ATF7IP2: variants seen among roughly 807,000 people sequenced by gnomAD.
ATF7IP2 encodes activating transcription factor 7 interacting protein 2, also known as activating transcription factor 7-interacting protein 2.
ATF7IP2 carries 42 observed loss-of-function variants against 64.2 expected under a neutral mutation model. The observed-to-expected ratio is 0.65, with a 90% CI of 0.51 to 0.85. The LOEUF is 0.85. ATF7IP2 is among the 40% of genes least tolerant of loss of function. The probability of loss-of-function intolerance (pLI) is 0.00; values close to 1 mark genes in which losing one functional copy is unlikely to be tolerated. For missense variants in ATF7IP2, 933 were observed against 784.2 expected, an observed-to-expected ratio of 1.19 and a Z score of -2.27; for synonymous variants, 308 against 272.8, an observed-to-expected ratio of 1.13 and a Z score of -1.27.
intron 3 of ATF7IP2, 108 bp downstream of exon 3, chr16:10,419,731 CT>C (rs2047954170): frequency 6.6e-6 from 1 of 152,300 alleles, no homozygotes; most frequent in Non-Finnish European, 1.5e-5. Context: ...CCCAAAACCT[CT>C]TCCGGAGTAT....
At chr16:10,471,644 T>C (rs1333582091) in intron 9 of ATF7IP2, among the ~76,000 whole-genome samples, 2 of 152,342 alleles carry the variant, frequency 1.3e-5, no homozygotes, top group Non-Finnish European at 1.5e-5. Flanking sequence ...ATATTGCTAC[T>C]GGAGAGATAA....
At chr16:10,417,088 C>G (rs1429747199) in intron 2 of ATF7IP2, among the ~76,000 whole-genome samples, 1 of 151,998 alleles carries the variant, frequency 6.6e-6, no homozygotes, top group Non-Finnish European at 1.5e-5. Context: ...TCATATAAAA[C>G]AATCACATAA....
At chr16:10,469,369 G>A (rs1262967118) in intron 9 of ATF7IP2, among the ~76,000 whole-genome samples, 2 of 152,042 alleles carry the variant, frequency 1.3e-5, no homozygotes, top group South Asian at 2.1e-4. Context: ...CACTAAGGCA[G>A]GAGCTGAGCA....
chr16:10,468,194 T>G lies in ATF7IP2; in HGVS notation c.1353-3916T>G, dbSNP rs185490991. Among the ~76,000 whole-genome samples the G allele has an allele frequency of 1.8e-4, 27 of 152,296 alleles. No homozygotes were observed. In the East Asian group the frequency reaches 3.7e-3, roughly 21 times the overall value. On this transcript the variant is annotated intron_variant, in intron 9 of 13. Transcript: ENST00000562102. ...CGTGCCTGGCCCAAATCAAATATTC[T>G]TAATAAAATTTAGATTTAAATATTT...
At chr16:10,418,525 A>G (rs2047923653) in intron 2 of ATF7IP2, among the ~76,000 whole-genome samples, 1 of 152,208 alleles carries the variant, frequency 6.6e-6, no homozygotes, top group African/African-American at 2.4e-5. Context: ...ATACAAAGAC[A>G]ACACAGATTA....
intron 8 of ATF7IP2, among the ~76,000 whole-genome samples, chr16:10,452,831 G>C (rs935102294): frequency 2.6e-5 from 4 of 152,178 alleles, no homozygotes; most frequent in African/African-American, 9.7e-5. Flanking sequence ...GCCTTGCCGA[G>C]CTGCAGTGGG....
At chr16:10,462,257 AT>A (rs1489775296) in intron 9 of ATF7IP2, among the ~76,000 whole-genome samples, 1 of 151,944 alleles carries the variant, frequency 6.6e-6, no homozygotes, top group African/African-American at 2.4e-5. Context: ...ATGTACCATC[AT>A]TTTTTATTTC....
intron 3 of ATF7IP2, among the ~76,000 whole-genome samples, chr16:10,427,447 C>T (rs943636904): frequency 1.3e-5 from 2 of 152,120 alleles, no homozygotes; most frequent in African/African-American, 2.4e-5. Context: ...AAAACTGCTC[C>T]AGGAAATAAT....
intron 9 of ATF7IP2, among the ~76,000 whole-genome samples, chr16:10,462,455 G>A (rs1194841966): frequency 1.3e-5 from 2 of 151,958 alleles, no homozygotes; most frequent in African/African-American, 4.8e-5. Flanking sequence ...ATTTTGAAGG[G>A]TATTTTAACT....
intron 1 of ATF7IP2, among the ~76,000 whole-genome samples, chr16:10,388,497 T>TA (rs1293772494): frequency 6.6e-6 from 1 of 152,218 alleles, no homozygotes; most frequent in Non-Finnish European, 1.5e-5. Context: ...GTGTGTACAG[T>TA]ATGCTGATGT....
intron 1 of ATF7IP2, among the ~76,000 whole-genome samples, chr16:10,402,385 G>T (rs1596442806): frequency 6.6e-6 from 1 of 152,028 alleles, no homozygotes; most frequent in East Asian, 1.9e-4. Context: ...TTATAGTTCT[G>T]AAGATTCTCT....
Position 10,472,184 on chromosome 16 carries a change from G to GTA in ATF7IP2, c.1426+3_1426+4dup, listed in dbSNP as rs778166623. 2.6e-6 allele frequency: 4 copies of GTA among 1,522,222 alleles called. No individual in the cohort carries two copies. Among genetic ancestry groups the GTA allele is most frequent in the Non-Finnish European group, 9.0e-7 (1 of 1,108,086 alleles). 94.3% of individuals were successfully genotyped at this position (1,522,222 alleles called of 1,614,324 possible). On this transcript the variant is annotated splice_donor_variant, in intron 10 of 13. Coordinates refer to ENST00000562102, the MANE Select transcript of ATF7IP2 (RefSeq NM_001393719.1). LOFTEE classifies it high-confidence loss of function. ...ACTCCAATTACATCAAATCCAACAG[G>GTA]TATCTTATAGCTGATTAGAATATGA...
At chr16:10,474,108 C>A in intron 12 of ATF7IP2, 119 bp downstream of exon 12, 1 of 659,548 alleles carries the variant, frequency 1.5e-6, no homozygotes, top group Non-Finnish European at 2.6e-6. Context: ...GTTTATATCT[C>A]TGTGCAGTTT....
intron 8 of ATF7IP2, among the ~76,000 whole-genome samples, chr16:10,456,933 A>G (rs529485035): frequency 6.6e-6 from 1 of 152,324 alleles, no homozygotes; most frequent in South Asian, 2.1e-4. Context: ...TTCTCAACCA[A>G]AGCTGAGAAC....
chr16:10,405,929 C>G (rs941109576), intron 1 of ATF7IP2, among the ~76,000 whole-genome samples: 2 of 152,116 alleles, frequency 1.3e-5, no homozygotes, highest in African/African-American at 4.8e-5. Flanking sequence ...CCCATCTCTA[C>G]TAAAAACAAA....
chr16:10,421,184 C>A (rs961306498), intron 3 of ATF7IP2, among the ~76,000 whole-genome samples: 40 of 152,046 alleles, frequency 2.6e-4, no homozygotes, highest in Non-Finnish European at 5.3e-4. Flanking sequence ...GCAATTTGAT[C>A]TAAATAAGGA....
intron 12 of ATF7IP2, among the ~76,000 whole-genome samples, chr16:10,475,149 C>T (rs1193111813): frequency 6.6e-6 from 1 of 152,132 alleles, no homozygotes; most frequent in Non-Finnish European, 1.5e-5. Context: ...GAAAGTAGAT[C>T]TACACAAAGA....
Position 10,483,459 on chromosome 16 carries a change from G to A in ATF7IP2, c.*1210G>A, listed in dbSNP as rs1413950398. On this transcript the variant is annotated 3_prime_UTR_variant, in exon 14 of 14. Transcript: ENST00000562102. Reference sequence around the variant, plus strand: ...CGGGGCCCAATGGAGGCAAACTTGAGCAAATAATTGGGATGATAAGAAACA... The same window carrying A: ...CGGGGCCCAATGGAGGCAAACTTGAACAAATAATTGGGATGATAAGAAACA... 1 of 152,106 alleles carries A rather than the reference G, an allele frequency of 6.6e-6. No homozygotes were observed. The highest frequency in any genetic ancestry group is 1.5e-5 in the Non-Finnish European group (1 of 68,030). The allele number at this position is 152,106 out of a possible 1,614,324, so 9.4% of individuals were successfully genotyped here.
intron 9 of ATF7IP2, among the ~76,000 whole-genome samples, chr16:10,463,763 T>C (rs925129399): frequency 4.6e-5 from 7 of 152,228 alleles, no homozygotes; most frequent in African/African-American, 1.7e-4. Context: ...GGTAAATTAT[T>C]ACATGGCAAT....
Sources: allele counts gnomAD v4.1 joint callset (sites outside exome capture counted in the v4.1 genomes callset), GRCh38; gene constraint gnomAD v4.1.1; transcripts MANE v1.5; gene names NCBI Gene and HGNC (gene_info 2026-07-23, HGNC 2026-07-21).